The following SLC20A2 variants were observed in gnomAD, a reference collection of about 807,000 sequenced individuals.
SLC20A2 encodes solute carrier family 20 member 2.
In SLC20A2, 30 loss-of-function variants were observed where a neutral mutation model predicts 61.0. That is an observed-to-expected ratio of 0.49 (90% CI 0.37 to 0.67). The LOEUF (loss-of-function observed/expected upper bound fraction) is 0.67, where lower values mean the gene tolerates loss of function less well. Among genes scored for constraint, SLC20A2 ranks in the 30% least tolerant of loss-of-function variants. The pLI, the probability that SLC20A2 is intolerant of heterozygous loss-of-function variation, is 0.00. For synonymous variants in SLC20A2, 351 were observed against 353.3 expected, an observed-to-expected ratio of 0.99 and a Z score of 0.07; for missense variants, 626 against 866.4, an observed-to-expected ratio of 0.72 and a Z score of 3.48.
intron 1 of SLC20A2, chr8:42,484,649 G>C (rs938624396): frequency 7.8e-5 from 25 of 321,738 alleles, no homozygotes; most frequent in African/African-American, 5.4e-4. Flanking sequence ...AGAATGGGGT[G>C]CAGCCCCATG....
Position 42,478,894 on chromosome 8 carries a change from A to C in SLC20A2, c.-264-6240T>G, listed in dbSNP as rs1200759806. Among the ~76,000 whole-genome samples, 4 of 152,224 alleles carry C rather than the reference A, an allele frequency of 2.6e-5. No individual in the cohort carries two copies. The East Asian group carries it at 5.8e-4, about 22-fold the overall frequency. On this transcript the variant is annotated intron_variant, in intron 1 of 10. Transcript: ENST00000520262. Reference sequence around the variant, plus strand: ...ACAGTGAAAAAAAGAAAAAAAAAAAACACAGTTCTCTTTTCAGTGAGAAAG... The same window carrying C: ...ACAGTGAAAAAAAGAAAAAAAAAAACCACAGTTCTCTTTTCAGTGAGAAAG...
At chr8:42,527,268 G>A (rs1325646914) in intron 1 of SLC20A2, among the ~76,000 whole-genome samples, 3 of 152,028 alleles carry the variant, frequency 2.0e-5, no homozygotes, top group South Asian at 2.1e-4. Context: ...GCCGGGTGTG[G>A]TGGGGTATGC....
chr8:42,524,747 T>C (rs1393145854), intron 1 of SLC20A2, among the ~76,000 whole-genome samples: 3 of 151,396 alleles, frequency 2.0e-5, no homozygotes, highest in Non-Finnish European at 2.9e-5. Flanking sequence ...GACTGTGCCA[T>C]TGCACTCCAG....
At chr8:42,461,721 T>C (rs1806716955) in intron 4 of SLC20A2, among the ~76,000 whole-genome samples, 1 of 152,094 alleles carries the variant, frequency 6.6e-6, no homozygotes, top group South Asian at 2.1e-4. Context: ...AATAACTTAG[T>C]CTTGAAACTC....
intron 7 of SLC20A2, among the ~76,000 whole-genome samples, chr8:42,438,710 T>G (rs1563456683): frequency 6.6e-6 from 1 of 151,762 alleles, no homozygotes; most frequent in Non-Finnish European, 1.5e-5. Context: ...GTCTGGATTT[T>G]TTCTTTTCTT....
chr8:42,491,166 G>A (rs925742397), intron 1 of SLC20A2, among the ~76,000 whole-genome samples: 4 of 152,104 alleles, frequency 2.6e-5, no homozygotes, highest in East Asian at 1.9e-4. Flanking sequence ...TTGGGAGGCC[G>A]AGGCAGGCAG....
At chr8:42,486,913 C>T (rs1345941557) in intron 1 of SLC20A2, among the ~76,000 whole-genome samples, 1 of 152,120 alleles carries the variant, frequency 6.6e-6, no homozygotes, top group African/African-American at 2.4e-5. Context: ...GTTGCCCAGG[C>T]TGGAATGCAA....
Position 42,481,842 on chromosome 8 carries a change from C to T in SLC20A2, c.-264-9188G>A, listed in dbSNP as rs1808576516. ...TCGGACCCTGAGGGTTCAGCCTTCC[C>T]TGCCCTTTTTCCTTCCAGGTCTCAT... On this transcript the variant is annotated intron_variant, in intron 1 of 10. Coordinates refer to ENST00000520262, the MANE Select transcript of SLC20A2 (RefSeq NM_001257180.2). Among the ~76,000 whole-genome samples the T allele has an allele frequency of 4.6e-5, 7 of 152,292 alleles. No homozygotes were observed. In the Middle Eastern group the frequency reaches 0.01, roughly 222 times the overall value.
At chr8:42,495,752 C>CTTT (rs869049452) in intron 1 of SLC20A2, among the ~76,000 whole-genome samples, 1 of 145,236 alleles carries the variant, frequency 6.9e-6, no homozygotes, top group African/African-American at 2.5e-5. Context: ...ATCCCTCCCC[C>CTTT]TTTTTTTTTT....
At chr8:42,488,999 G>A (rs1328229547) in intron 1 of SLC20A2, among the ~76,000 whole-genome samples, 2 of 137,852 alleles carry the variant, frequency 1.5e-5, no homozygotes, top group Non-Finnish European at 1.5e-5. Flanking sequence ...GAATGCAATG[G>A]TGCAGTCTTG....
At chr8:42,495,736 C>T (rs1182634622) in intron 1 of SLC20A2, among the ~76,000 whole-genome samples, 1 of 151,666 alleles carries the variant, frequency 6.6e-6, no homozygotes, top group Non-Finnish European at 1.5e-5. Flanking sequence ...GCCAAGGATT[C>T]TACAGATCCC....
At chr8:42,491,472 T>C (rs905041402) in intron 1 of SLC20A2, among the ~76,000 whole-genome samples, 3 of 150,498 alleles carry the variant, frequency 2.0e-5, no homozygotes, top group African/African-American at 7.4e-5. Context: ...GCCACTGCAC[T>C]GCAGCTTGGG....
chr8:42,485,637 C>T (rs1238290257), intron 1 of SLC20A2, among the ~76,000 whole-genome samples: 3 of 101,318 alleles, frequency 3.0e-5, no homozygotes, highest in East Asian at 2.6e-4. Context: ...AACAAAACTC[C>T]GTCTCAAAAA....
At position 42,470,891 on chromosome 8, in the gene SLC20A2, T is replaced by C. The variant is rs1807581434; in HGVS notation, c.289+1211A>G. Among the ~76,000 whole-genome samples, 4 of 151,356 alleles carry C rather than the reference T, an allele frequency of 2.6e-5. No individual in the cohort carries two copies. The South Asian group carries it at 8.3e-4, about 32-fold the overall frequency. On this transcript the variant is annotated intron_variant, in intron 2 of 10. Coordinates refer to ENST00000520262, the MANE Select transcript of SLC20A2 (RefSeq NM_001257180.2). ...CCGGAGGGTGAGGTGAGAGAATAGC[T>C]TGAACCCAGGAGGTGGAGGTGGCAG...
intron 1 of SLC20A2, among the ~76,000 whole-genome samples, chr8:42,540,514 A>C (rs1489810725): frequency 6.6e-6 from 1 of 152,218 alleles, no homozygotes; most frequent in Non-Finnish European, 1.5e-5. Flanking sequence ...TTATGTATAT[A>C]CAATATATAT....
chr8:42,470,382 T>G (rs1272573291), intron 2 of SLC20A2, among the ~76,000 whole-genome samples: 1 of 151,942 alleles, frequency 6.6e-6, no homozygotes, highest in Admixed American at 6.6e-5. Flanking sequence ...CATGCCCAGC[T>G]AATTTTTTAG....
rs368111995 is a variant in SLC20A2 at position 42,494,409 on chromosome 8, T to A, written c.-265+6622A>T. On this transcript the variant is annotated intron_variant, in intron 1 of 10. Transcript: ENST00000520262. Reference sequence around the variant, plus strand: ...TTTCTATTATTACATAAGTAATCTATGCTTATTGAAGAAAAAAATTAACAT... The same window carrying A: ...TTTCTATTATTACATAAGTAATCTAAGCTTATTGAAGAAAAAAATTAACAT... 8.4e-3 allele frequency among the ~76,000 whole-genome samples: 1,276 copies of A among 152,302 alleles called. 8 individuals carry two copies. Among genetic ancestry groups the A allele is most frequent in the African/African-American group, 0.029 (1,221 of 41,576 alleles).
intron 3 of SLC20A2, among the ~76,000 whole-genome samples, chr8:42,464,818 A>T (rs561944991): frequency 6.6e-6 from 1 of 151,930 alleles, no homozygotes; most frequent in Non-Finnish European, 1.5e-5. Context: ...ACTAAAATAC[A>T]AAAGAAATGA....
In SLC20A2 at chr8:42,458,630, G is replaced by A. The variant is rs1563481735; in HGVS notation, c.613+1266C>T. On this transcript the variant is annotated intron_variant, in intron 5 of 10. Transcript: ENST00000520262. ...AAAGAAAAAAAAAAAAAAAAAGGCCGGGCATGGTGGCTCATGCCTGTAATC... is the reference window on the plus strand; with the variant it reads ...AAAGAAAAAAAAAAAAAAAAAGGCCAGGCATGGTGGCTCATGCCTGTAATC... Among the ~76,000 whole-genome samples, 10 of 148,812 alleles carry A rather than the reference G, an allele frequency of 6.7e-5. No individual in the cohort carries two copies. In the South Asian group the frequency reaches 1.7e-3, roughly 25 times the overall value.
Sources: gnomAD v4.1 joint callset for allele counts (sites outside exome capture counted in the v4.1 genomes callset) on GRCh38, gnomAD v4.1.1 for gene constraint, MANE v1.5 for transcripts, NCBI Gene and HGNC (gene_info 2026-07-23, HGNC 2026-07-21) for gene names.